SERPINB3: variants seen among roughly 807,000 people sequenced by gnomAD.
SERPINB3 encodes the protein serpin family B member 3.
In SERPINB3, 33 loss-of-function variants were observed where a neutral mutation model predicts 33.0. That is an observed-to-expected ratio of 1.00 (90% CI 0.76 to 1.34). SERPINB3 has a LOEUF of 1.34. SERPINB3 is among the 40% of genes most tolerant of loss of function. SERPINB3 has a pLI of 0.00. For synonymous variants in SERPINB3, 200 were observed against 170.9 expected (o/e 1.17, Z -1.33); for missense variants, 518 against 461.5 (o/e 1.12, Z -1.12).
rs1428654975 is a variant in SERPINB3 at position 63,657,114 on chromosome 18, C to A, written c.613-128G>T. On this transcript the variant is annotated intron_variant, in intron 6 of 7. Transcript: ENST00000283752. ...GAATGTAATGAGTTAGAGACAATAG[C>A]TTCTTCAGGAATTCCTAACTAAATA... The A allele has an allele frequency of 9.4e-6, 9 of 956,250 alleles. No individual in the cohort carries two copies. In the East Asian group the frequency reaches 2.4e-4, roughly 26 times the overall value. 59.2% of individuals were successfully genotyped at this position (956,250 alleles called of 1,614,324 possible).
rs904378635 is a variant in SERPINB3, at chr18:63,657,279, C to T, written c.603G>A (p.Trp201Ter). Reference protein sequence around the residue: ...NKEDTKEEKFWPNKNTYKSIQ... With the variant: ...NKEDTKEEKF Reference sequence around the variant, plus strand: ...AAAATATAGACAATACCTTGTTTGGCCAAAATTTTTCCTCTTTAGTATCTT... The same window carrying T: ...AAAATATAGACAATACCTTGTTTGGTCAAAATTTTTCCTCTTTAGTATCTT... Residue 201 changes from tryptophan (W) to a stop codon, truncating the protein, a stop_gained, in exon 6 of 8, where the codon TGG becomes TGA. Transcript: ENST00000283752. LOFTEE classifies it high-confidence loss of function. 6.4e-7 allele frequency: 1 copy of T among 1,568,652 alleles called. No homozygotes were observed. The highest frequency in any genetic ancestry group is 1.4e-5 in the African/African-American group (1 of 73,776).
rs976178082 is a variant in SERPINB3 at position 63,658,003 on chromosome 18, C to T, written c.469+510G>A. On this transcript the variant is annotated intron_variant, in intron 5 of 7. Transcript: ENST00000283752. Reference sequence around the variant, plus strand: ...TCTATAGAATGGAGAATTTGTTAAGCTCTTGCCCTTGATGGGGAAGAGAGC... The same window carrying T: ...TCTATAGAATGGAGAATTTGTTAAGTTCTTGCCCTTGATGGGGAAGAGAGC... 9.2e-5 allele frequency among the ~76,000 whole-genome samples: 14 copies of T among 151,882 alleles called. 1 individual carries two copies. Among genetic ancestry groups the T allele is most frequent in the Admixed American group, 9.2e-4 (14 of 15,208 alleles).
chr18:63,657,883 G>C (rs896908883), intron 5 of SERPINB3, among the ~76,000 whole-genome samples: 1 of 151,052 alleles, frequency 6.6e-6, no homozygotes, highest in Non-Finnish European at 1.5e-5. Flanking sequence ...GTCCTGTGCT[G>C]TCAGACACTA....
At chr18:63,658,433 G>C (rs1001518757) in intron 5 of SERPINB3, 80 bp downstream of exon 5, 43 of 1,177,680 alleles carry the variant, frequency 3.7e-5, no homozygotes, top group Non-Finnish European at 5.1e-5. Flanking sequence ...TCCCACCCAT[G>C]GTCCCCCATG....
At chr18:63,658,963 G>C (rs1449440544) in intron 4 of SERPINB3, among the ~76,000 whole-genome samples, 1 of 152,140 alleles carries the variant, frequency 6.6e-6, no homozygotes, top group Non-Finnish European at 1.5e-5. Context: ...TGATGTTTCT[G>C]ATCTTTGTTT....
In SERPINB3 at chr18:63,655,767, A is replaced by G; in HGVS notation, c.1063T>C (p.Ser355Pro). 1 of 1,613,022 alleles carries G rather than the reference A, an allele frequency of 6.2e-7. No individual in the cohort carries two copies. The highest frequency in any genetic ancestry group is 8.5e-7 in the Non-Finnish European group (1 of 1,179,952). ...AACTCTTCATTAGTTGAAGTAGGTGATGATCCGAATCCTACTACAGCGGTG... is the reference window on the plus strand; with the variant it reads ...AACTCTTCATTAGTTGAAGTAGGTGGTGATCCGAATCCTACTACAGCGGTG... The part of the protein sequence containing the change: ...AATAVVGFGS[S>P]PTSTNEEFHC... The change falls in exon 8 of 8, where the codon TCA (serine) becomes CCA (proline). Residue 355 changes from serine (S) to proline (P), a missense_variant. Coordinates refer to ENST00000283752, the MANE Select transcript of SERPINB3 (RefSeq NM_006919.3).
intron 7 of SERPINB3, 79 bp from the exon 8 acceptor site, chr18:63,656,140 A>T (rs551373315): frequency 6.7e-7 from 1 of 1,497,216 alleles, no homozygotes; most frequent in Admixed American, 2.3e-5. Flanking sequence ...GACTATGTGG[A>T]GAATCCTTAT....
Position 63,657,313 on chromosome 18 carries a change from A to C in SERPINB3, c.569T>G (p.Phe190Cys). 1.2e-6 allele frequency: 2 copies of C among 1,606,622 alleles called. No homozygotes were observed. The highest frequency in any genetic ancestry group is 1.7e-6 in the Non-Finnish European group (2 of 1,174,916). Residue 190 changes from phenylalanine (F) to cysteine (C), a missense_variant, in exon 6 of 8, where the codon TTT (phenylalanine) becomes TGT (cysteine). By Grantham distance (205) the Phe-to-Cys change is radical. Coordinates refer to ENST00000283752, the MANE Select transcript of SERPINB3 (RefSeq NM_006919.3). ...TTCCTCTTTAGTATCTTCTTTATTA[A>C]ATTTCTTCTCCCACTGCCCTTTGAA... ...IYFKGQWEKK[F>C]NKEDTKEEKF...
Position 63,656,489 on chromosome 18 carries a change from C to A in SERPINB3, c.768+342G>T, listed in dbSNP as rs185200596. ...TTGCAATTATTAAATTGCAATTCCC[C>A]AAATTCCTAAATTTCTATTCCCTTT... On this transcript the variant is annotated intron_variant, in intron 7 of 7. Coordinates refer to ENST00000283752, the MANE Select transcript of SERPINB3 (RefSeq NM_006919.3). Among the ~76,000 whole-genome samples, 1,206 of 152,238 alleles carry A rather than the reference C, an allele frequency of 7.9e-3. 10 individuals carry two copies. The highest frequency in any genetic ancestry group is 0.028 in the African/African-American group (1,149 of 41,544).
chr18:63,657,303 T>C lies in SERPINB3; in HGVS notation c.579A>G (p.Glu193=). 6.2e-7 allele frequency: 1 copy of C among 1,604,110 alleles called. No individual in the cohort carries two copies. Among genetic ancestry groups the C allele is most frequent in the Non-Finnish European group, 8.5e-7 (1 of 1,172,942 alleles). ...GCCAAAATTTTTCCTCTTTAGTATCTTCTTTATTAAATTTCTTCTCCCACT... is the reference window on the plus strand; with the variant it reads ...GCCAAAATTTTTCCTCTTTAGTATCCTCTTTATTAAATTTCTTCTCCCACT... The part of the protein sequence containing the change: ...KGQWEKKFNK[E]DTKEEKFWPN... The change falls in exon 6 of 8, where the codon GAA becomes GAG. Residue 193 remains glutamate (E), a synonymous_variant. Coordinates refer to ENST00000283752, the MANE Select transcript of SERPINB3 (RefSeq NM_006919.3).
At position 63,655,391 on chromosome 18, in the gene SERPINB3, T is replaced by C. The variant is rs1047263; in HGVS notation, c.*266A>G. On this transcript the variant is annotated 3_prime_UTR_variant, in exon 8 of 8. Transcript: ENST00000283752. ...AGAATTATATTTCAAATTTAGAAGA[T>C]ACGGTATTAAGTGATTCATCTTATT... 5.6e-6 allele frequency: 2 copies of C among 357,588 alleles called. No individual in the cohort carries two copies. Among genetic ancestry groups the C allele is most frequent in the African/African-American group, 2.1e-5 (1 of 48,476 alleles). 22.2% of individuals were successfully genotyped at this position (357,588 alleles called of 1,614,324 possible).
chr18:63,657,898 C>T (rs558964089), intron 5 of SERPINB3, among the ~76,000 whole-genome samples: 1 of 151,888 alleles, frequency 6.6e-6, no homozygotes, highest in East Asian at 1.9e-4. Flanking sequence ...ACACTACTTC[C>T]GGGGGTATCT....
intron 3 of SERPINB3, 113 bp from the exon 4 acceptor site, chr18:63,659,640 T>C: frequency 7.1e-7 from 1 of 1,413,270 alleles, no homozygotes; most frequent in Non-Finnish European, 9.8e-7. Flanking sequence ...TGAGGACCTT[T>C]GAGCTTATTC....
At position 63,657,147 on chromosome 18, in the gene SERPINB3, A is replaced by G. The variant is rs536738808; in HGVS notation, c.612+123T>C. 187 of 899,766 alleles carry G rather than the reference A, an allele frequency of 2.1e-4. No homozygotes were observed. The Middle Eastern group carries it at 2.6e-3, about 12-fold the overall frequency. 55.7% of individuals were successfully genotyped at this position (899,766 alleles called of 1,614,324 possible). ...GGAATTCCTAACTAAATAAAGTTATAAGACTAAAACAACAAAAAAACAGAC... is the reference window on the plus strand; with the variant it reads ...GGAATTCCTAACTAAATAAAGTTATGAGACTAAAACAACAAAAAAACAGAC... On this transcript the variant is annotated intron_variant, in intron 6 of 7. Transcript: ENST00000283752.
In SERPINB3 at chr18:63,658,542, A is replaced by G; in HGVS notation, c.440T>C (p.Ile147Thr). The change falls in exon 5 of 8, where the codon ATT (isoleucine) becomes ACT (threonine). Residue 147 changes from isoleucine (I) to threonine (T), a missense_variant. By Grantham distance (89) the Ile-to-Thr change is moderately conservative. Transcript: ENST00000283752. ...ANAPEESRKK[I>T]NSWVESQTNE... ...CGTTTGACTTTCCACCCAGGAGTTA[A>G]TCTTCTTTCGACTTTCTTCTGGAGC... 1 of 1,612,972 alleles carries G rather than the reference A, an allele frequency of 6.2e-7. No homozygotes were observed. Among genetic ancestry groups the G allele is most frequent in the Middle Eastern group, 1.7e-4 (1 of 5,962 alleles).
rs914706874 is a variant in SERPINB3, at chr18:63,660,930, G to A, written c.166-74C>T. On this transcript the variant is annotated intron_variant, in intron 2 of 7. Coordinates refer to ENST00000283752, the MANE Select transcript of SERPINB3 (RefSeq NM_006919.3). ...TTTAAGTCAGTGGTCTCACAGTTAC[G>A]GGAATTCCTGCTCAGCCCCCTGTGC... is the stretch of plus-strand genomic sequence containing the variant. The A allele has an allele frequency of 1.2e-4, 193 of 1,611,450 alleles. 1 individual carries two copies. In the South Asian group the frequency reaches 1.3e-3, roughly 11 times the overall value.
At chr18:63,660,735 G>T in intron 3 of SERPINB3, 65 bp downstream of exon 3, 1 of 1,605,418 alleles carries the variant, frequency 6.2e-7, no homozygotes, top group African/African-American at 1.3e-5. Context: ...TTTCTGTGAA[G>T]TTCCAGGTTC....
chr18:63,660,525 T>C (rs1227041987), intron 3 of SERPINB3, among the ~76,000 whole-genome samples: 2 of 152,162 alleles, frequency 1.3e-5, no homozygotes, highest in African/African-American at 2.4e-5. Flanking sequence ...GTCCTGCTCA[T>C]GTTCACCATT....
intron 5 of SERPINB3, among the ~76,000 whole-genome samples, chr18:63,657,894 C>T (rs1385547897): frequency 6.6e-6 from 1 of 151,748 alleles, no homozygotes; most frequent in Middle Eastern, 3.2e-3. Flanking sequence ...TCAGACACTA[C>T]TTCCGGGGGT....
Sources: allele counts gnomAD v4.1 joint callset (sites outside exome capture counted in the v4.1 genomes callset), GRCh38; gene constraint gnomAD v4.1.1; transcripts MANE v1.5; gene names NCBI Gene and HGNC (gene_info 2026-07-23, HGNC 2026-07-21).